The following DDX11 variants were observed in gnomAD, a reference collection of about 807,000 sequenced individuals.
DDX11 encodes DEAD/H-box helicase 11.
A neutral mutation model predicts 125.2 loss-of-function variants in DDX11; 72 were observed. That is an observed-to-expected ratio of 0.58 (90% CI 0.48 to 0.70). The LOEUF is 0.70. Among genes scored for constraint, DDX11 ranks in the 30% least tolerant of loss-of-function variants. The pLI is 0.00. For synonymous variants in DDX11, 347 were observed against 452.6 expected (o/e 0.77, Z 2.96); for missense variants, 883 against 1,165.0 (o/e 0.76, Z 3.52).
At chr12:31,099,084 C>CTTTTTTTTTTTTTTTTTTTTTTTTTTTT (rs763612105) in intron 18 of DDX11, among the ~76,000 whole-genome samples, 16 of 63,718 alleles carry the variant, frequency 2.5e-4, no homozygotes, top group African/African-American at 4.7e-4. Context: ...TTCTTTCTTT[C>CTTTTTTTTTTTTTTTTTTTTTTTTTTTT]TTTTTTTTTT....
intron 17 of DDX11, among the ~76,000 whole-genome samples, chr12:31,097,455 C>A (rs1403312999): frequency 7.0e-6 from 1 of 143,764 alleles, no homozygotes; most frequent in Non-Finnish European, 1.5e-5. Context: ...TGAGGGGGGG[C>A]GGATCGTGAG....
chr12:31,099,084 C>CTTTTTTTTT (rs763612105), intron 18 of DDX11, among the ~76,000 whole-genome samples: 43 of 63,698 alleles, frequency 6.8e-4, no homozygotes, highest in African/African-American at 2.6e-3. Context: ...TTCTTTCTTT[C>CTTTTTTTTT]TTTTTTTTTT....
chr12:31,100,635 G>T lies in DDX11; in HGVS notation c.1876G>T (p.Val626Leu), dbSNP rs1274971061. Residue 626 changes from valine (V) to leucine (L), a missense_variant and splice_region_variant, in exon 19 of 27, where the codon GTG becomes TTG. Transcript: ENST00000542838. ...GTGACGCTGTGGCCTTGGTCTACAG[G>T]TGTCTGACTTCCGGCAGCAGCTGCT... ...VVIAGGTMQP[V>L]SDFRQQLLAC... 6.4e-7 allele frequency: 1 copy of T among 1,552,372 alleles called. No individual in the cohort carries two copies.
Position 31,104,464 on chromosome 12 carries a change from C to T in DDX11, c.*628C>T, listed in dbSNP as rs1341027228. The T allele has an allele frequency of 4.1e-5, 8 of 196,222 alleles. No homozygotes were observed. The Admixed American group carries it at 4.2e-4, about 10-fold the overall frequency. The allele number at this position is 196,222 out of a possible 1,614,324, so 12.2% of individuals were successfully genotyped here. A position where few individuals can be genotyped will look rare whatever the true frequency, so the allele number is the denominator to read the frequency against. Reference sequence around the variant, plus strand: ...CTCCAAGTCTATGGCACCTCCCTCCCTCTCAACCACTTGAGCAAACTCCAA... The same window carrying T: ...CTCCAAGTCTATGGCACCTCCCTCCTTCTCAACCACTTGAGCAAACTCCAA... On this transcript the variant is annotated 3_prime_UTR_variant, in exon 27 of 27. Coordinates refer to ENST00000542838, the MANE Select transcript of DDX11 (RefSeq NM_030653.4).
In DDX11 at chr12:31,079,095, G is replaced by A. The variant is rs150317435; in HGVS notation, c.144+558G>A. ...TTTCTTACCAACTCTTTTCCCTCCCGTTCCCCATCCTTCAAATATAATTCT... is the reference window on the plus strand; with the variant it reads ...TTTCTTACCAACTCTTTTCCCTCCCATTCCCCATCCTTCAAATATAATTCT... On this transcript the variant is annotated intron_variant, in intron 2 of 26. Transcript: ENST00000542838. Among the ~76,000 whole-genome samples the A allele has an allele frequency of 3.9e-3, 601 of 152,158 alleles. 8 individuals are homozygous for A. The highest frequency in any genetic ancestry group is 0.014 in the African/African-American group (565 of 41,502).
chr12:31,099,109 A>T (rs1272961095), intron 18 of DDX11, among the ~76,000 whole-genome samples: 1 of 35,034 alleles, frequency 2.9e-5, no homozygotes, highest in African/African-American at 2.5e-4. Context: ...TTTTTTTGAG[A>T]CACAGTCTCG....
intron 1 of DDX11, 68 bp downstream of exon 1, chr12:31,074,159 CG>C (rs1940351824): frequency 6.6e-6 from 1 of 152,180 alleles, no homozygotes; most frequent in African/African-American, 2.4e-5. Context: ...GATTGACAAG[CG>C]GGAACCCCTG....
chr12:31,089,273 C>T (rs1380302648), intron 7 of DDX11, 122 bp downstream of exon 7: 2 of 1,344,656 alleles, frequency 1.5e-6, no homozygotes, highest in Non-Finnish European at 2.1e-6. Context: ...TGAGGAGCAG[C>T]CCCCTCCCTG....
intron 26 of DDX11, 27 bp from the exon 27 acceptor site, chr12:31,103,780 A>G (rs1946829985): frequency 6.2e-7 from 1 of 1,613,622 alleles, no homozygotes; most frequent in Non-Finnish European, 8.5e-7. Context: ...CCGAGATCAC[A>G]TTTCTCACTG....
chr12:31,089,353 T>C (rs1193742394), intron 7 of DDX11, 50 bp from the exon 8 acceptor site: 2 of 1,599,664 alleles, frequency 1.3e-6, no homozygotes, highest in African/African-American at 2.7e-5. Context: ...TGGTAGGATG[T>C]CATTTAGCTG....
Position 31,103,581 on chromosome 12 carries a change from G to A in DDX11, c.2541G>A (p.Arg847=), listed in dbSNP as rs201972379. ...CMKAVNQSIG[R]AIRHQKDFAS... ...CCAGCCTCTGTTCCTATGCAGGCAGGGCCATCAGGCACCAGAAGGATTTTG... is the reference window on the plus strand; with the variant it reads ...CCAGCCTCTGTTCCTATGCAGGCAGAGCCATCAGGCACCAGAAGGATTTTG... Residue 847 remains arginine, a synonymous_variant, in exon 26 of 27, where the codon AGG becomes AGA. Transcript: ENST00000542838. The A allele has an allele frequency of 3.2e-5, 52 of 1,613,808 alleles. No individual in the cohort carries two copies. Among genetic ancestry groups the A allele is most frequent in the Middle Eastern group, 1.6e-4 (1 of 6,074 alleles).
At chr12:31,086,514 G>T (rs946253263) in intron 5 of DDX11, among the ~76,000 whole-genome samples, 1 of 152,012 alleles carries the variant, frequency 6.6e-6, no homozygotes, top group Non-Finnish European at 1.5e-5. Flanking sequence ...GTTGCTTTAT[G>T]CCTCGCTGGT....
intron 1 of DDX11, chr12:31,076,818 C>T (rs1940790663): frequency 6.6e-6 from 1 of 152,138 alleles, no homozygotes; most frequent in Non-Finnish European, 1.5e-5. Flanking sequence ...GTAATAATTC[C>T]TCTACCTCTG....
rs769121547 is a variant in DDX11, at chr12:31,084,571, T to C, written c.394-12T>C. ...TTCCTTGGTGATTTTCCTTCATGTC[T>C]GCCTCCTGTAGGCGGAGCAGGCCAG... is the stretch of plus-strand genomic sequence containing the variant. On this transcript the variant is annotated splice_polypyrimidine_tract_variant and intron_variant, in intron 3 of 26. Transcript: ENST00000542838. 4 of 1,589,792 alleles carry C rather than the reference T, an allele frequency of 2.5e-6. No homozygotes were observed. The highest frequency in any genetic ancestry group is 2.3e-5 in the East Asian group (1 of 43,884).
chr12:31,096,813 T>G, intron 16 of DDX11, 46 bp from the exon 17 acceptor site: 1 of 1,614,168 alleles, frequency 6.2e-7, no homozygotes, highest in South Asian at 1.1e-5. Flanking sequence ...TCCTCATGTG[T>G]GGACCTGACC....
Position 31,101,053 on chromosome 12 carries a change from C to T in DDX11, c.1975C>T (p.Leu659=), listed in dbSNP as rs765559349. The T allele has an allele frequency of 1.2e-6, 2 of 1,614,192 alleles. No individual in the cohort carries two copies. Among genetic ancestry groups the T allele is most frequent in the Admixed American group, 1.7e-5 (1 of 60,034 alleles). ...TCACGTGATCCCTCCAGACAACATC[C>T]TGCCCCTCGTCATCTGCAGCGGGAT... The part of the protein sequence containing the change: ...CGHVIPPDNI[L]PLVICSGISN... The change falls in exon 20 of 27, where the codon CTG becomes TTG. Residue 659 remains leucine (L), a synonymous_variant. Transcript: ENST00000542838.
At chr12:31,078,325 A>G in intron 1 of DDX11, 65 bp from the exon 2 acceptor site, 1 of 1,610,076 alleles carries the variant, frequency 6.2e-7, no homozygotes, top group East Asian at 2.2e-5. Flanking sequence ...ATAATGCTCC[A>G]GATTTCAAGC....
At chr12:31,088,304 C>A (rs938625761) in intron 6 of DDX11, among the ~76,000 whole-genome samples, 2 of 151,888 alleles carry the variant, frequency 1.3e-5, no homozygotes, top group African/African-American at 4.8e-5. Flanking sequence ...GGGTTCGGGG[C>A]CTGGGGAGAC....
Position 31,083,973 on chromosome 12 carries a change from C to T in DDX11, c.305C>T (p.Ala102Val), listed in dbSNP as rs751947725. Residue 102 changes from alanine to valine, a missense_variant, in exon 3 of 27, where the codon GCA becomes GTA. Ala to Val is a moderately conservative substitution (Grantham distance 64, BLOSUM62 0). This residue lies in a region of DDX11 where 283 missense variants were observed against 359.6 expected (regional missense o/e 0.79). Transcript: ENST00000542838. ...LCLSSSCEGA[A>V]GTPRPAGEPA... The stretch of plus-strand genomic sequence containing the variant: ...CTGTCTTCTTCCTGCGAAGGGGCTG[C>T]AGGCACCCCGAGGCCTGCTGGAGAA... 3 of 1,613,948 alleles carry T rather than the reference C, an allele frequency of 1.9e-6. No individual in the cohort carries two copies. Among genetic ancestry groups the T allele is most frequent in the Non-Finnish European group, 1.7e-6 (2 of 1,179,866 alleles).
Sources: gnomAD v4.1 joint callset for allele counts (sites outside exome capture counted in the v4.1 genomes callset) on GRCh38, gnomAD v4.1.1 for gene constraint, gnomAD v4.1.1 regional missense constraint, MANE v1.5 for transcripts, NCBI Gene and HGNC (gene_info 2026-07-23, HGNC 2026-07-21) for gene names.